UGT1A3: variants seen among roughly 807,000 people sequenced by gnomAD.
UGT1A3 encodes the protein UDP-glucuronosyltransferase 1A3.
A neutral mutation model predicts 41.0 loss-of-function variants in UGT1A3; 31 were observed. The ratio of observed to expected loss-of-function variants is 0.76; its 90% confidence interval spans 0.57 to 1.02. The LOEUF (loss-of-function observed/expected upper bound fraction) is 1.02, where lower values mean the gene tolerates loss of function less well. Ranked by LOEUF, UGT1A3 falls within the 50% of genes least tolerant of loss-of-function variation. The probability of loss-of-function intolerance (pLI) is 0.00; values close to 1 mark genes in which losing one functional copy is unlikely to be tolerated. For missense variants in UGT1A3, 737 were observed against 671.0 expected (o/e 1.10, Z -1.09); for synonymous variants, 262 against 257.6 (o/e 1.02, Z -0.17).
intron 1 of UGT1A3, among the ~76,000 whole-genome samples, chr2:233,748,859 T>G (rs1694048871): frequency 6.6e-6 from 1 of 151,492 alleles, no homozygotes; most frequent in Non-Finnish European, 1.5e-5. Flanking sequence ...TAAGCCCAGT[T>G]AAGCTGGGGA....
At chr2:233,750,039 G>A (rs1434781604) in intron 1 of UGT1A3, among the ~76,000 whole-genome samples, 1 of 151,888 alleles carries the variant, frequency 6.6e-6, no homozygotes, top group East Asian at 1.9e-4. Flanking sequence ...AAAGATACTT[G>A]AAAATGTGGA....
At chr2:233,765,894 C>A (rs527736361) in intron 1 of UGT1A3, among the ~76,000 whole-genome samples, 1 of 152,060 alleles carries the variant, frequency 6.6e-6, no homozygotes, top group Non-Finnish European at 1.5e-5. Flanking sequence ...CAGTGCGCCA[C>A]TGCTCAAACC....
At chr2:233,761,055 T>G (rs1559407933) in intron 1 of UGT1A3, 1 of 1,614,230 alleles carries the variant, frequency 6.2e-7, no homozygotes, top group East Asian at 2.2e-5. Context: ...TCTGGCTGTT[T>G]AGAAGTGACT....
chr2:233,749,918 CA>C (rs1168394820), intron 1 of UGT1A3, among the ~76,000 whole-genome samples: 1 of 151,918 alleles, frequency 6.6e-6, no homozygotes. Flanking sequence ...AACTGTGAGT[CA>C]ATTAAAGCTC....
Position 233,729,850 on chromosome 2 carries a change from G to C in UGT1A3, c.724G>C (p.Glu242Gln), listed in dbSNP as rs916795505. ...ASLASELFQR[E>Q]VSVVDILSHA... ...CCTTGCCTCTGAGCTTTTTCAGAGA[G>C]AGGTGTCAGTGGTGGATATTCTCAG... Residue 242 changes from glutamate to glutamine, a missense_variant, in exon 1 of 5, where the codon GAG becomes CAG. By Grantham distance (29) the Glu-to-Gln change is conservative (BLOSUM62 2). Transcript: ENST00000482026. 3.7e-6 allele frequency: 6 copies of C among 1,613,870 alleles called. No homozygotes were observed. Among genetic ancestry groups the C allele is most frequent in the Non-Finnish European group, 5.1e-6 (6 of 1,179,854 alleles).
chr2:233,747,561 T>A (rs1440337169), intron 1 of UGT1A3: 2 of 1,596,952 alleles, frequency 1.3e-6, no homozygotes, highest in Non-Finnish European at 1.7e-6. Context: ...TATGGCAATT[T>A]TGAAAAATTC....
Position 233,729,623 on chromosome 2 carries a change from C to T in UGT1A3, c.497C>T (p.Ser166Leu), listed in dbSNP as rs142986334. Residue 166 changes from serine (S) to leucine (L), a missense_variant, in exon 1 of 5, where the codon TCG (serine) becomes TTG (leucine). Ser to Leu is a moderately radical substitution (Grantham distance 145). Coordinates refer to ENST00000482026, the MANE Select transcript of UGT1A3 (RefSeq NM_019093.4). ...GCGGCAGTGCTGGCTAAGTACCTGT[C>T]GATTCCTACTGTGTTTTTTTTGAGG... The part of the protein sequence containing the change: ...LCAAVLAKYL[S>L]IPTVFFLRNI... The T allele has an allele frequency of 2.4e-4, 391 of 1,613,794 alleles. No individual in the cohort carries two copies. The highest frequency in any genetic ancestry group is 3.1e-4 in the Non-Finnish European group (362 of 1,179,898).
chr2:233,749,814 T>C (rs951105241), intron 1 of UGT1A3, among the ~76,000 whole-genome samples: 1 of 151,928 alleles, frequency 6.6e-6, no homozygotes, highest in African/African-American at 2.4e-5. Flanking sequence ...AAGCTCTTCC[T>C]CTTTCTCTCT....
chr2:233,752,437 T>C (rs973405993), intron 1 of UGT1A3: 4 of 152,200 alleles, frequency 2.6e-5, no homozygotes, highest in African/African-American at 9.7e-5. Context: ...CGAACCCTTT[T>C]ATAAAAGATG....
rs565737138 is a variant in UGT1A3 at position 233,740,144 on chromosome 2, C to T, written c.867+10151C>T. 2.0e-5 allele frequency among the ~76,000 whole-genome samples: 3 copies of T among 151,952 alleles called. No individual in the cohort carries two copies. The South Asian group carries it at 6.2e-4, about 31-fold the overall frequency. On this transcript the variant is annotated intron_variant, in intron 1 of 4. Coordinates refer to ENST00000482026, the MANE Select transcript of UGT1A3 (RefSeq NM_019093.4). Reference sequence around the variant, plus strand: ...ACCTTCTGTCATGATTGTAAGTTTCCTGAGGCCTCCCCAGTCATGTGGAAC... The same window carrying T: ...ACCTTCTGTCATGATTGTAAGTTTCTTGAGGCCTCCCCAGTCATGTGGAAC...
At chr2:233,772,075 T>C (rs1032984731) in intron 4 of UGT1A3, among the ~76,000 whole-genome samples, 187 bp from the exon 5 acceptor site, 85 of 152,270 alleles carry the variant, frequency 5.6e-4, no homozygotes, top group Non-Finnish European at 1.0e-3. Flanking sequence ...CTTGTGCCAC[T>C]ACACTCCAGC....
chr2:233,743,705 G>T (rs756391897), intron 1 of UGT1A3: 2 of 1,367,306 alleles, frequency 1.5e-6, no homozygotes, highest in Non-Finnish European at 9.8e-7. Context: ...CTCCGCCCCC[G>T]CCTCGCCATA....
At chr2:233,743,810 G>C (rs765761325) in intron 1 of UGT1A3, 1 of 1,367,316 alleles carries the variant, frequency 7.3e-7, no homozygotes, top group Non-Finnish European at 9.8e-7. Flanking sequence ...CTTGTTCTCA[G>C]GGTTTTTGTC....
intron 1 of UGT1A3, among the ~76,000 whole-genome samples, chr2:233,752,134 G>C (rs1265707864): frequency 6.6e-6 from 1 of 152,180 alleles, no homozygotes; most frequent in Non-Finnish European, 1.5e-5. Context: ...GGACAGAAAG[G>C]ATCATTCCCT....
chr2:233,729,822 A>G lies in UGT1A3; in HGVS notation c.696A>G (p.Ala232=). The G allele has an allele frequency of 6.2e-7, 1 of 1,613,914 alleles. No homozygotes were observed. Among genetic ancestry groups the G allele is most frequent in the Non-Finnish European group, 8.5e-7 (1 of 1,179,860 alleles). The change falls in exon 1 of 5, where the codon GCA becomes GCG. Residue 232 remains alanine, a synonymous_variant. Coordinates refer to ENST00000482026, the MANE Select transcript of UGT1A3 (RefSeq NM_019093.4). ...GCCATGCTTTTTCTGCTCCTTATGC[A>G]AGCCTTGCCTCTGAGCTTTTTCAGA... ...YICHAFSAPY[A]SLASELFQRE... is the part of the protein sequence containing the mutation.
intron 1 of UGT1A3, chr2:233,754,939 A>G: frequency 7.5e-7 from 1 of 1,337,054 alleles, no homozygotes; most frequent in Non-Finnish European, 1.0e-6. Context: ...AGGTCAAAGG[A>G]GAATGGGTCC....
intron 1 of UGT1A3, among the ~76,000 whole-genome samples, chr2:233,757,541 T>TATAC (rs1229454769): frequency 1.7e-5 from 2 of 117,592 alleles, no homozygotes; most frequent in Non-Finnish European, 3.6e-5. Flanking sequence ...AAGGAATATA[T>TATAC]ATATATATAT....
intron 1 of UGT1A3, among the ~76,000 whole-genome samples, chr2:233,765,526 T>G (rs1002018733): frequency 1.3e-5 from 2 of 151,960 alleles, no homozygotes; most frequent in East Asian, 3.9e-4. Flanking sequence ...AAACACCGCA[T>G]GTTCTCACTC....
rs1407595030 is a variant in UGT1A3, at chr2:233,768,410, T to C, written c.1278T>C (p.Asn426=). 6.2e-7 allele frequency: 1 copy of C among 1,614,120 alleles called. No homozygotes were observed. Among genetic ancestry groups the C allele is most frequent in the East Asian group, 2.2e-5 (1 of 44,882 alleles). ...AAATGACTTCTGAAGATTTAGAAAA[T>C]GCTCTAAAAGCAGTCATCAATGACA... is the stretch of plus-strand genomic sequence containing the variant. ...VLEMTSEDLE[N]ALKAVINDKS... Residue 426 remains asparagine, a synonymous_variant, in exon 4 of 5, where the codon AAT becomes AAC. Transcript: ENST00000482026.
Sources: allele counts gnomAD v4.1 joint callset (sites outside exome capture counted in the v4.1 genomes callset), GRCh38; gene constraint gnomAD v4.1.1; transcripts MANE v1.5; gene names NCBI Gene and HGNC (gene_info 2026-07-23, HGNC 2026-07-21).